Variants in ATP8A2 observed in about 807,000 individuals in gnomAD.
The protein encoded by ATP8A2 is phospholipid-transporting ATPase IB.
A neutral mutation model predicts 165.6 loss-of-function variants in ATP8A2; 100 were observed. That is an observed-to-expected ratio of 0.60 (90% CI 0.51 to 0.71). The LOEUF is 0.71. Among genes scored for constraint, ATP8A2 ranks in the 30% least tolerant of loss-of-function variants. The pLI is 0.00. For synonymous variants in ATP8A2, 543 were observed against 548.8 expected, an observed-to-expected ratio of 0.99 and a Z score of 0.15; for missense variants, 1,227 against 1,479.5, an observed-to-expected ratio of 0.83 and a Z score of 2.80.
intron 24 of ATP8A2, among the ~76,000 whole-genome samples, chr13:25,636,147 T>C (rs1180607381): frequency 1.3e-5 from 2 of 151,898 alleles, no homozygotes; most frequent in African/African-American, 4.8e-5. Context: ...ATTTGGGGAG[T>C]GGATTTTGAG....
chr13:25,538,086 T>C, intron 7 of ATP8A2, 25 bp downstream of exon 7: 10 of 1,591,352 alleles, frequency 6.3e-6, no homozygotes, highest in Non-Finnish European at 8.6e-6. Flanking sequence ...TAGGCACCTT[T>C]TTTGCAATAA....
rs187159337 is a variant in ATP8A2, at chr13:25,555,959, T to C, written c.1263+891T>C. Among the ~76,000 whole-genome samples, 49 of 152,328 alleles carry C rather than the reference T, an allele frequency of 3.2e-4. 1 individual carries two copies. The highest frequency in any genetic ancestry group is 3.1e-3 in the Admixed American group (48 of 15,298). On this transcript the variant is annotated intron_variant, in intron 13 of 36. Coordinates refer to ENST00000381655, the MANE Select transcript of ATP8A2 (RefSeq NM_016529.6). ...TGCTGCAAAGAACATGATTTCATTT[T>C]TTTTCTGGCTATGTATTCCATGGTG...
chr13:25,872,850 C>T (rs1263554692), intron 33 of ATP8A2, among the ~76,000 whole-genome samples: 1 of 150,834 alleles, frequency 6.6e-6, no homozygotes, highest in East Asian at 1.9e-4. Context: ...AATATTATCA[C>T]TTTGAGATGT....
intron 33 of ATP8A2, among the ~76,000 whole-genome samples, chr13:25,903,292 C>G (rs1200223679): frequency 6.6e-6 from 1 of 152,150 alleles, no homozygotes; most frequent in South Asian, 2.1e-4. Flanking sequence ...CCTGCCGTTG[C>G]ATTTGAATCT....
At chr13:25,521,597 C>T (rs1302706192) in intron 2 of ATP8A2, among the ~76,000 whole-genome samples, 4 of 152,126 alleles carry the variant, frequency 2.6e-5, no homozygotes, top group African/African-American at 9.7e-5. Context: ...TATGTAATTA[C>T]CAGTTTTCCC....
chr13:25,568,438 A>T (rs1368501843), intron 16 of ATP8A2, among the ~76,000 whole-genome samples: 1 of 152,194 alleles, frequency 6.6e-6, no homozygotes, highest in Non-Finnish European at 1.5e-5. Flanking sequence ...GCTATTTTAA[A>T]TTCACCGAAT....
At chr13:25,642,763 C>A (rs557325428) in intron 24 of ATP8A2, among the ~76,000 whole-genome samples, 1 of 152,156 alleles carries the variant, frequency 6.6e-6, no homozygotes, top group Non-Finnish European at 1.5e-5. Flanking sequence ...CACATGCACA[C>A]GTATGTTTAT....
At chr13:25,614,036 A>C (rs2040759018) in intron 24 of ATP8A2, among the ~76,000 whole-genome samples, 5 of 152,162 alleles carry the variant, frequency 3.3e-5, no homozygotes, top group Admixed American at 3.3e-4. Flanking sequence ...TTTTGCAGTG[A>C]ATTTCCCAGG....
chr13:26,003,801 G>A (rs76444436), intron 35 of ATP8A2, among the ~76,000 whole-genome samples: 2,167 of 152,200 alleles, frequency 0.014, 57 homozygotes, highest in African/African-American at 0.05. Context: ...TGTGTTATTA[G>A]CACCTTTGTT....
chr13:25,885,113 T>G (rs894361433), intron 33 of ATP8A2, among the ~76,000 whole-genome samples: 1 of 144,974 alleles, frequency 6.9e-6, no homozygotes, highest in Admixed American at 6.9e-5. Context: ...TGCTTTTTTT[T>G]TTTTTTTTTT....
intron 8 of ATP8A2, 99 bp downstream of exon 8, chr13:25,540,487 A>G: frequency 1.1e-6 from 1 of 873,986 alleles, no homozygotes; most frequent in Non-Finnish European, 1.9e-6. Flanking sequence ...TTCAGCCACA[A>G]AGGGTTATGC....
intron 27 of ATP8A2, among the ~76,000 whole-genome samples, chr13:25,795,686 T>C (rs1433151651): frequency 1.3e-5 from 2 of 152,222 alleles, no homozygotes; most frequent in East Asian, 3.8e-4. Flanking sequence ...TGGAATTTGC[T>C]GAAAGCATCC....
At chr13:25,643,365 G>T (rs1437193743) in intron 24 of ATP8A2, among the ~76,000 whole-genome samples, 2 of 152,088 alleles carry the variant, frequency 1.3e-5, no homozygotes, top group Non-Finnish European at 2.9e-5. Context: ...CATTTGGGTT[G>T]CTTGCAGTTT....
At chr13:25,496,194 T>G (rs1002488298) in intron 2 of ATP8A2, among the ~76,000 whole-genome samples, 1 of 152,138 alleles carries the variant, frequency 6.6e-6, no homozygotes, top group African/African-American at 2.4e-5. Flanking sequence ...CTTTATGTAA[T>G]TATGTAATTA....
chr13:25,837,426 CACACACACACACA>C (rs1419919383), intron 29 of ATP8A2, 141 bp downstream of exon 29: 1,653 of 11,112 alleles, frequency 0.15, 35 homozygotes, highest in Admixed American at 0.21. Context: ...CCCACCACCA[CACACACACACACA>C]CACACACACA....
Position 25,374,129 on chromosome 13 carries a change from CA to C in ATP8A2, c.76+1842del. Among the ~76,000 whole-genome samples the C allele has an allele frequency of 1.3e-5, 2 of 152,220 alleles. 1 individual carries two copies. Among genetic ancestry groups the C allele is most frequent in the South Asian group, 4.1e-4 (2 of 4,820 alleles). Reference sequence around the variant, plus strand: ...TTGAGGTTAGGGAGATGAGGGTCAACAGAAGGGGCCTGAGAGGATGGCCAGG... The same window carrying C: ...TTGAGGTTAGGGAGATGAGGGTCAACGAAGGGGCCTGAGAGGATGGCCAGG... On this transcript the variant is annotated intron_variant, in intron 1 of 36. Coordinates refer to ENST00000381655, the MANE Select transcript of ATP8A2 (RefSeq NM_016529.6).
intron 27 of ATP8A2, among the ~76,000 whole-genome samples, chr13:25,802,325 A>G (rs1279753411): frequency 3.3e-5 from 5 of 152,178 alleles, no homozygotes; most frequent in African/African-American, 1.2e-4. Flanking sequence ...ACCAGCAGCT[A>G]CATTCCCTGT....
intron 25 of ATP8A2, among the ~76,000 whole-genome samples, chr13:25,723,354 A>G (rs570533131): frequency 8.5e-5 from 13 of 152,310 alleles, no homozygotes; most frequent in Admixed American, 8.5e-4. Context: ...CCTCGTGAAT[A>G]TTAAATGCTA....
intron 30 of ATP8A2, among the ~76,000 whole-genome samples, chr13:25,857,690 CCTCCT>C (rs1952213822): frequency 6.6e-6 from 1 of 151,430 alleles, no homozygotes; most frequent in Non-Finnish European, 1.5e-5. Context: ...CCTGCCTCAG[CCTCCT>C]GAGTAGCTGG....
Sources: gnomAD v4.1 joint callset for allele counts (sites outside exome capture counted in the v4.1 genomes callset) on GRCh38, gnomAD v4.1.1 for gene constraint, MANE v1.5 for transcripts, NCBI Gene and HGNC (gene_info 2026-07-23, HGNC 2026-07-21) for gene names.